Variants in LAMC1 observed in about 807,000 individuals in gnomAD.
LAMC1 encodes laminin subunit gamma-1.
A neutral mutation model predicts 173.6 loss-of-function variants in LAMC1; 38 were observed. The observed-to-expected ratio is 0.22, with a 90% CI of 0.17 to 0.29. The LOEUF is 0.29. LAMC1 is among the 10% of genes least tolerant of loss of function. LAMC1 has a pLI of 1.00. For missense variants in LAMC1, 1,824 were observed against 2,051.8 expected, an observed-to-expected ratio of 0.89 and a Z score of 2.14; for synonymous variants, 746 against 749.1, an observed-to-expected ratio of 1.00 and a Z score of 0.07.
At chr1:183,086,005 AG>A (rs1655417495) in intron 1 of LAMC1, among the ~76,000 whole-genome samples, 1 of 152,176 alleles carries the variant, frequency 6.6e-6, no homozygotes, top group Non-Finnish European at 1.5e-5. Flanking sequence ...TAGGTCTTTT[AG>A]GGGAGCCCTT....
At chr1:183,041,660 G>A (rs995359154) in intron 1 of LAMC1, among the ~76,000 whole-genome samples, 7 of 152,172 alleles carry the variant, frequency 4.6e-5, no homozygotes, top group African/African-American at 1.4e-4. Flanking sequence ...TACACAAAAG[G>A]TACTGCATAG....
chr1:183,100,197 C>T (rs777787565), intron 1 of LAMC1, among the ~76,000 whole-genome samples: 1 of 152,192 alleles, frequency 6.6e-6, no homozygotes, highest in Non-Finnish European at 1.5e-5. Context: ...CTCCATTCCT[C>T]TGTTCCCATT....
rs35182436 is a variant in LAMC1 at position 183,135,205 on chromosome 1, AT to A, written c.4114+60del. ...GGCAAATGCTTCCGCCACTAGAGTG[AT>A]TTTTTTTTTTAATCATGACTTTTAC... On this transcript the variant is annotated intron_variant, in intron 24 of 27. Transcript: ENST00000258341. 488,964 of 878,070 alleles carry A rather than the reference AT, an allele frequency of 0.56. 125,780 individuals carry two copies. Among genetic ancestry groups the A allele is most frequent in the Admixed American group, 0.66 (27,930 of 42,496 alleles). The allele number at this position is 878,070 out of a possible 1,614,324, so 54.4% of individuals were successfully genotyped here.
intron 1 of LAMC1, among the ~76,000 whole-genome samples, chr1:183,075,143 G>A (rs1401929774): frequency 1.5e-5 from 2 of 131,758 alleles, no homozygotes; most frequent in South Asian, 2.3e-4. Flanking sequence ...TTTTTTTTTC[G>A]AGACAGGGTG....
chr1:183,135,278 G>C (rs1441555809), intron 24 of LAMC1, 122 bp downstream of exon 24: 2 of 648,126 alleles, frequency 3.1e-6, no homozygotes, highest in Non-Finnish European at 5.5e-6. Flanking sequence ...TTATGCTAAA[G>C]TATTTCAAAG....
intron 1 of LAMC1, among the ~76,000 whole-genome samples, chr1:183,064,942 A>G (rs1197865685): frequency 6.6e-6 from 1 of 152,134 alleles, no homozygotes; most frequent in Admixed American, 6.6e-5. Flanking sequence ...GCTCACTCAG[A>G]CTGGAACCAT....
chr1:183,080,604 G>A (rs2102049807), intron 1 of LAMC1, among the ~76,000 whole-genome samples: 1 of 152,236 alleles, frequency 6.6e-6, no homozygotes, highest in African/African-American at 2.4e-5. Context: ...TGGTCACTGA[G>A]TTGAGTCAGA....
At chr1:183,108,487 G>T in intron 3 of LAMC1, 81 bp downstream of exon 3, 2 of 1,213,158 alleles carry the variant, frequency 1.6e-6, no homozygotes, top group Non-Finnish European at 2.3e-6. Flanking sequence ...TTACAACTAT[G>T]TTAATACCGT....
At chr1:183,047,760 G>A (rs897501565) in intron 1 of LAMC1, among the ~76,000 whole-genome samples, 1 of 152,142 alleles carries the variant, frequency 6.6e-6, no homozygotes, top group African/African-American at 2.4e-5. Context: ...ATACAACAAA[G>A]AATTGCCCAA....
chr1:183,095,706 T>G (rs1395361281), intron 1 of LAMC1, among the ~76,000 whole-genome samples: 1 of 152,176 alleles, frequency 6.6e-6, no homozygotes, highest in South Asian at 2.1e-4. Flanking sequence ...TATTCATGCC[T>G]GTAGTCTACC....
chr1:183,069,405 T>C (rs376913473), intron 1 of LAMC1, among the ~76,000 whole-genome samples: 1 of 152,206 alleles, frequency 6.6e-6, no homozygotes, highest in Admixed American at 6.5e-5. Context: ...ATTAAAAAAA[T>C]GTAATGTCCT....
intron 1 of LAMC1, among the ~76,000 whole-genome samples, chr1:183,025,769 C>T (rs1233022534): frequency 2.6e-5 from 4 of 152,242 alleles, no homozygotes; most frequent in Non-Finnish European, 4.4e-5. Context: ...AAGGCGTTGC[C>T]TGATGTCTGA....
chr1:183,111,906 A>G (rs138297345), intron 4 of LAMC1, among the ~76,000 whole-genome samples: 3,503 of 152,228 alleles, frequency 0.023, 59 homozygotes, highest in Admixed American at 0.047. Context: ...GTGGTGGTGC[A>G]CGCCTGTAAT....
intron 1 of LAMC1, among the ~76,000 whole-genome samples, chr1:183,060,499 A>G (rs1031854813): frequency 1.3e-5 from 2 of 152,042 alleles, no homozygotes; most frequent in African/African-American, 4.8e-5. Flanking sequence ...AGTCTCTTGG[A>G]CCAGGCTCTC....
At chr1:183,130,258 A>G in intron 18 of LAMC1, 86 bp from the exon 19 acceptor site, 4 of 1,180,658 alleles carry the variant, frequency 3.4e-6, no homozygotes, top group Middle Eastern at 2.1e-4. Flanking sequence ...TTAGAAGAGT[A>G]GAGATACATA....
At chr1:183,140,150 G>A (rs1657065817) in intron 26 of LAMC1, among the ~76,000 whole-genome samples, 1 of 148,778 alleles carries the variant, frequency 6.7e-6, no homozygotes, top group African/African-American at 2.5e-5. Context: ...CAAATATAGT[G>A]AGTTAGTGAG....
At chr1:183,063,607 T>C (rs574499928) in intron 1 of LAMC1, among the ~76,000 whole-genome samples, 72 of 152,338 alleles carry the variant, frequency 4.7e-4, no homozygotes, top group Admixed American at 5.9e-4. Context: ...TCCTGCTCTC[T>C]CCTATCATTG....
chr1:183,029,445 T>C (rs1405963109), intron 1 of LAMC1, among the ~76,000 whole-genome samples: 1 of 152,206 alleles, frequency 6.6e-6, no homozygotes, highest in Non-Finnish European at 1.5e-5. Flanking sequence ...GCAAATCTGA[T>C]CATACAATTT....
At chr1:183,127,548 A>G in intron 17 of LAMC1, 144 bp downstream of exon 17, 1 of 638,214 alleles carries the variant, frequency 1.6e-6, no homozygotes, top group Non-Finnish European at 2.7e-6. Flanking sequence ...TGGGAGGCAA[A>G]TAATAAAAAA....
Sources: allele counts gnomAD v4.1 joint callset (sites outside exome capture counted in the v4.1 genomes callset), GRCh38; gene constraint gnomAD v4.1.1; transcripts MANE v1.5; gene names NCBI Gene and HGNC (gene_info 2026-07-23, HGNC 2026-07-21).